CHD2: variants seen among roughly 807,000 people sequenced by gnomAD.
CHD2 encodes ATP-dependent chromatin remodeler CHD2.
In CHD2, 28 loss-of-function variants were observed where a neutral mutation model predicts 243.9. That is an observed-to-expected ratio of 0.11 (90% CI 0.09 to 0.16). The LOEUF (loss-of-function observed/expected upper bound fraction) is 0.16, where lower values mean the gene tolerates loss of function less well. CHD2 is among the 10% of genes least tolerant of loss of function. The pLI, the probability that CHD2 is intolerant of heterozygous loss-of-function variation, is 1.00. For synonymous variants in CHD2, 775 were observed against 779.0 expected (o/e 0.99, Z 0.09); for missense variants, 1,386 against 2,209.8 (o/e 0.63, Z 7.47).
intron 2 of CHD2, among the ~76,000 whole-genome samples, chr15:92,913,268 T>A (rs953729952): frequency 7.9e-5 from 12 of 152,314 alleles, no homozygotes; most frequent in African/African-American, 2.6e-4. Flanking sequence ...AGCTGTAGAA[T>A]CTTGGGCAGG....
chr15:92,910,053 CTG>C (rs1251912727), intron 2 of CHD2, among the ~76,000 whole-genome samples: 2 of 151,822 alleles, frequency 1.3e-5, no homozygotes, highest in Non-Finnish European at 2.9e-5. Flanking sequence ...ATCTCTCACA[CTG>C]GAGTGCAGTG....
chr15:92,983,465 C>T (rs113135914), intron 24 of CHD2, among the ~76,000 whole-genome samples: 251 of 152,316 alleles, frequency 1.6e-3, no homozygotes, highest in African/African-American at 5.8e-3. Flanking sequence ...CTTGACTTCA[C>T]TGTTGGCTCC....
Position 92,963,075 on chromosome 15 carries a change from A to G in CHD2, c.2001-4250A>G, listed in dbSNP as rs2053711165. On this transcript the variant is annotated intron_variant, in intron 16 of 38. Transcript: ENST00000394196. ...TCAACTTACTTCTTTCTGTAAGTCT[A>G]AAATGTGTCTTATAGACAACCTGTA... 2.6e-5 allele frequency among the ~76,000 whole-genome samples: 4 copies of G among 152,340 alleles called. No homozygotes were observed. The South Asian group carries it at 8.3e-4, about 32-fold the overall frequency.
At chr15:92,941,794 C>T (rs1344944683) in intron 7 of CHD2, 28 bp from the exon 8 acceptor site, 5 of 1,607,722 alleles carry the variant, frequency 3.1e-6, no homozygotes, top group South Asian at 1.1e-5. Flanking sequence ...GATCATTTCT[C>T]ATTTATTCAG....
intron 16 of CHD2, among the ~76,000 whole-genome samples, chr15:92,961,377 A>G (rs2053685140): frequency 6.6e-6 from 1 of 152,134 alleles, no homozygotes. Flanking sequence ...GCATAAAGTT[A>G]TAGTACTCTC....
At chr15:92,985,049 A>G (rs148547346) in intron 25 of CHD2, among the ~76,000 whole-genome samples, 1 of 152,224 alleles carries the variant, frequency 6.6e-6, no homozygotes, top group Non-Finnish European at 1.5e-5. Context: ...TCAAGGTCAC[A>G]GTAAATCAGT....
chr15:92,979,399 G>GGTAAT, intron 22 of CHD2, 116 bp downstream of exon 22: 1 of 1,261,176 alleles, frequency 7.9e-7, no homozygotes, highest in Non-Finnish European at 1.1e-6. Context: ...GAAGATGCCA[G>GGTAAT]GCCAGAACCA....
intron 13 of CHD2, 121 bp downstream of exon 13, chr15:92,949,197 T>C: frequency 6.5e-7 from 1 of 1,527,702 alleles, no homozygotes; most frequent in Non-Finnish European, 8.7e-7. Flanking sequence ...GAAATCTTTA[T>C]GCTGCATATT....
intron 2 of CHD2, among the ~76,000 whole-genome samples, chr15:92,918,801 A>G (rs1300630025): frequency 6.6e-6 from 1 of 151,538 alleles, no homozygotes; most frequent in East Asian, 1.9e-4. Flanking sequence ...TACGCTATAT[A>G]TACACACATA....
At chr15:92,992,528 C>T (rs548350152) in intron 27 of CHD2, among the ~76,000 whole-genome samples, 26 of 152,248 alleles carry the variant, frequency 1.7e-4, no homozygotes, top group African/African-American at 5.5e-4. Context: ...CAAGCTAGTA[C>T]GGATGGTGTT....
intron 5 of CHD2, among the ~76,000 whole-genome samples, chr15:92,931,632 C>G (rs1214222322): frequency 6.6e-6 from 1 of 152,100 alleles, no homozygotes; most frequent in Non-Finnish European, 1.5e-5. Context: ...ACCTTGCTCT[C>G]CAAAAGTGTT....
intron 12 of CHD2, among the ~76,000 whole-genome samples, chr15:92,948,648 A>C (rs773660290): frequency 1.1e-4 from 17 of 152,260 alleles, no homozygotes; most frequent in South Asian, 8.3e-4. Flanking sequence ...CCTGGCTAGC[A>C]TGGTGAAACC....
chr15:93,023,240 GC>G (rs2054554045), intron 38 of CHD2, among the ~76,000 whole-genome samples: 1 of 152,152 alleles, frequency 6.6e-6, no homozygotes, highest in Admixed American at 6.5e-5. Flanking sequence ...CTCTGGATTT[GC>G]CTGTTCTAGA....
intron 7 of CHD2, among the ~76,000 whole-genome samples, chr15:92,939,996 C>T (rs1943783230): frequency 6.6e-6 from 1 of 152,214 alleles, no homozygotes; most frequent in Non-Finnish European, 1.5e-5. Flanking sequence ...GCATTATCTT[C>T]ATTTCATAAC....
chr15:92,919,799 T>C (rs1342602328), intron 2 of CHD2, among the ~76,000 whole-genome samples: 1 of 152,220 alleles, frequency 6.6e-6, no homozygotes, highest in Non-Finnish European at 1.5e-5. Flanking sequence ...AGACTTACTT[T>C]AGACAATTAA....
chr15:92,903,164 A>G (rs1427036657), intron 2 of CHD2, among the ~76,000 whole-genome samples: 1 of 152,250 alleles, frequency 6.6e-6, no homozygotes, highest in East Asian at 1.9e-4. Flanking sequence ...GTACATAATT[A>G]TGACATCACT....
intron 2 of CHD2, among the ~76,000 whole-genome samples, chr15:92,908,780 C>T (rs958594842): frequency 2.0e-5 from 3 of 152,114 alleles, no homozygotes; most frequent in Admixed American, 1.3e-4. Context: ...GAGGATGTTT[C>T]TATATTAAAT....
intron 24 of CHD2, 55 bp downstream of exon 24, chr15:92,981,512 A>C: frequency 2.2e-6 from 3 of 1,365,510 alleles, no homozygotes; most frequent in Non-Finnish European, 3.1e-6. Context: ...AATGATGACT[A>C]ATGTTTATGA....
At chr15:92,928,651 T>A (rs557399259) in intron 4 of CHD2, among the ~76,000 whole-genome samples, 1 of 152,232 alleles carries the variant, frequency 6.6e-6, no homozygotes, top group Non-Finnish European at 1.5e-5. Context: ...TAGTTAAAAA[T>A]AAAACTTCCA....
Sources: gnomAD v4.1 joint callset for allele counts (sites outside exome capture counted in the v4.1 genomes callset) on GRCh38, gnomAD v4.1.1 for gene constraint, MANE v1.5 for transcripts, NCBI Gene and HGNC (gene_info 2026-07-23, HGNC 2026-07-21) for gene names.